The following DNMT3B variants were observed in gnomAD, a reference collection of about 807,000 sequenced individuals.
The protein encoded by DNMT3B is DNA methyltransferase 3 beta.
A neutral mutation model predicts 120.2 loss-of-function variants in DNMT3B; 37 were observed. The observed-to-expected ratio is 0.31, with a 90% CI of 0.24 to 0.40. The LOEUF is 0.40. Among genes scored for constraint, DNMT3B ranks in the 10% least tolerant of loss-of-function variants. DNMT3B has a pLI of 1.00. For synonymous variants in DNMT3B, 412 were observed against 442.8 expected (o/e 0.93, Z 0.87); for missense variants, 878 against 1,137.3 (o/e 0.77, Z 3.28).
chr20:32,806,389 G>A (rs1459055969), intron 22 of DNMT3B, 62 bp downstream of exon 22: 1 of 1,465,178 alleles, frequency 6.8e-7, no homozygotes, highest in African/African-American at 1.5e-5. Flanking sequence ...GGGCAGACAT[G>A]GGCAGGTGCT....
chr20:32,794,490 C>T (rs1980382197), intron 10 of DNMT3B, among the ~76,000 whole-genome samples: 1 of 152,000 alleles, frequency 6.6e-6, no homozygotes, highest in Admixed American at 6.6e-5. Flanking sequence ...ACCAGCCTGG[C>T]CAGCATGATG....
chr20:32,804,164 A>C (rs749469590), intron 20 of DNMT3B, among the ~76,000 whole-genome samples: 1 of 152,174 alleles, frequency 6.6e-6, no homozygotes, highest in Non-Finnish European at 1.5e-5. Flanking sequence ...TGAGGTGGAA[A>C]GAGCAGTGAG....
chr20:32,793,349 C>T (rs1345945625), intron 9 of DNMT3B, among the ~76,000 whole-genome samples, 187 bp from the exon 10 acceptor site: 1 of 152,124 alleles, frequency 6.6e-6, no homozygotes, highest in Non-Finnish European at 1.5e-5. Context: ...TGCCTGTGGT[C>T]CCAGCTACCC....
At chr20:32,795,828 C>A in intron 12 of DNMT3B, 134 bp downstream of exon 12, 1 of 1,140,424 alleles carries the variant, frequency 8.8e-7, no homozygotes, top group East Asian at 2.4e-5. Flanking sequence ...AGGCCTATTT[C>A]TGGACCCTGC....
intron 1 of DNMT3B, among the ~76,000 whole-genome samples, chr20:32,765,848 C>T (rs930496809): frequency 6.7e-6 from 1 of 148,232 alleles, no homozygotes; most frequent in Admixed American, 6.7e-5. Context: ...CTCCGCCCCT[C>T]GGGTTCATGC....
chr20:32,769,153 C>T (rs769738670), intron 1 of DNMT3B, among the ~76,000 whole-genome samples: 8 of 151,722 alleles, frequency 5.3e-5, no homozygotes, highest in Non-Finnish European at 1.0e-4. Context: ...GGCGAGATCT[C>T]GGCTCACTGC....
chr20:32,770,213 A>T (rs1987633654), intron 1 of DNMT3B, among the ~76,000 whole-genome samples: 1 of 152,100 alleles, frequency 6.6e-6, no homozygotes, highest in South Asian at 2.1e-4. Flanking sequence ...CCTGGGTTCA[A>T]ACGATTCTTC....
chr20:32,787,509 A>T (rs1257781586), intron 6 of DNMT3B, 58 bp downstream of exon 6: 1 of 1,544,522 alleles, frequency 6.5e-7, no homozygotes, highest in Non-Finnish European at 8.8e-7. Flanking sequence ...ACGGGGAAAA[A>T]CCAGTTACCT....
At chr20:32,769,281 GT>G (rs1196500678) in intron 1 of DNMT3B, among the ~76,000 whole-genome samples, 1 of 152,068 alleles carries the variant, frequency 6.6e-6, no homozygotes, top group Non-Finnish European at 1.5e-5. Flanking sequence ...TAGAGACGGG[GT>G]TTCACCATGT....
chr20:32,777,309 G>A (rs1364312130), intron 1 of DNMT3B, among the ~76,000 whole-genome samples: 2 of 152,110 alleles, frequency 1.3e-5, no homozygotes, highest in Non-Finnish European at 2.9e-5. Context: ...GTAGGCTGGT[G>A]GCCAGTTGGC....
rs1230224309 is a variant in DNMT3B at position 32,775,237 on chromosome 20, G to A, written c.-6-5081G>A. Reference sequence around the variant, plus strand: ...AAATCAATACTCTCCACTGAATGTAGGATTTTAGTTTTTAATTTTTTACTG... The same window carrying A: ...AAATCAATACTCTCCACTGAATGTAAGATTTTAGTTTTTAATTTTTTACTG... On this transcript the variant is annotated intron_variant, in intron 1 of 22. Transcript: ENST00000328111. Among the ~76,000 whole-genome samples the A allele has an allele frequency of 3.3e-5, 5 of 152,160 alleles. No individual in the cohort carries two copies. The East Asian group carries it at 9.6e-4, about 29-fold the overall frequency.
At chr20:32,806,518 T>C (rs913583905) in intron 22 of DNMT3B, among the ~76,000 whole-genome samples, 191 bp downstream of exon 22, 8 of 152,170 alleles carry the variant, frequency 5.3e-5, no homozygotes, top group African/African-American at 1.9e-4. Context: ...GTGGTGGTGG[T>C]GAGGAATCTG....
In DNMT3B at chr20:32,787,439, T is replaced by G; in HGVS notation, c.642T>G (p.Ser214Arg). The change falls in exon 6 of 23, where the codon AGT becomes AGG. Residue 214 changes from serine to arginine, a missense_variant. By Grantham distance (110) the Ser-to-Arg change is moderately radical. This residue lies in a region of DNMT3B where 287 missense variants were observed against 306.2 expected (regional missense o/e 0.94). Coordinates refer to ENST00000328111, the MANE Select transcript of DNMT3B (RefSeq NM_006892.4). ...AGGCAGACAGTGGAGATGGAGACAG[T>G]TCAGAGTATCAGGTATGGCCGAGAG... ...QVEADSGDGD[S>R]SEYQDGKEFG... 3 of 1,613,962 alleles carry G rather than the reference T, an allele frequency of 1.9e-6. No individual in the cohort carries two copies. The East Asian group carries it at 6.7e-5, about 36-fold the overall frequency.
At position 32,807,793 on chromosome 20, in the gene DNMT3B, G is replaced by T. The variant is rs121908940; in HGVS notation, c.2452G>T (p.Val818Leu). ...IFGFPVHYTD[V>L]SNMGRGARQK... Reference sequence around the variant, plus strand: ...TGGCTTTCCTGTGCACTACACAGACGTGTCCAACATGGGCCGTGGTGCCCG... The same window carrying T: ...TGGCTTTCCTGTGCACTACACAGACTTGTCCAACATGGGCCGTGGTGCCCG... The change falls in exon 23 of 23, where the codon GTG becomes TTG. Residue 818 changes from valine (V) to leucine (L), a missense_variant. By Grantham distance (32) the Val-to-Leu change is conservative. Coordinates refer to ENST00000328111, the MANE Select transcript of DNMT3B (RefSeq NM_006892.4). 2 of 1,614,042 alleles carry T rather than the reference G, an allele frequency of 1.2e-6. No individual in the cohort carries two copies. Among genetic ancestry groups the T allele is most frequent in the East Asian group, 4.5e-5 (2 of 44,882 alleles).
intron 6 of DNMT3B, among the ~76,000 whole-genome samples, chr20:32,788,262 A>G (rs1049107068): frequency 6.6e-6 from 1 of 152,164 alleles, no homozygotes; most frequent in Non-Finnish European, 1.5e-5. Context: ...TATTGTACGT[A>G]TGATACCTTT....
chr20:32,791,460 A>G (rs1278292178), intron 7 of DNMT3B, 141 bp from the exon 8 acceptor site: 6 of 791,546 alleles, frequency 7.6e-6, no homozygotes, highest in Non-Finnish European at 1.3e-5. Flanking sequence ...TTTCAAATAG[A>G]TGTCTGTGGA....
rs985224466 is a variant in DNMT3B at position 32,808,225 on chromosome 20, G to A, written c.*322G>A. On this transcript the variant is annotated 3_prime_UTR_variant, in exon 23 of 23. Transcript: ENST00000328111. ...TTTCCCTTCCTGGGTCTACCACTCAGAGAAACAATGGCTAAGATACCAAAA... is the reference window on the plus strand; with the variant it reads ...TTTCCCTTCCTGGGTCTACCACTCAAAGAAACAATGGCTAAGATACCAAAA... 4.7e-6 allele frequency: 2 copies of A among 421,800 alleles called. No homozygotes were observed. The highest frequency in any genetic ancestry group is 4.1e-5 in the East Asian group (1 of 24,308). The allele number at this position is 421,800 out of a possible 1,614,324, so 26.1% of individuals were successfully genotyped here. A position where few individuals can be genotyped will look rare whatever the true frequency, so the allele number is the denominator to read the frequency against.
intron 9 of DNMT3B, 51 bp downstream of exon 9, chr20:32,792,821 C>G: frequency 6.2e-7 from 1 of 1,612,042 alleles, no homozygotes; most frequent in Non-Finnish European, 8.5e-7. Context: ...GGTGGGACCA[C>G]TTCTTGGGAG....
chr20:32,793,720 C>T (rs2145990512), intron 10 of DNMT3B, 125 bp downstream of exon 10: 1 of 1,064,420 alleles, frequency 9.4e-7, no homozygotes. Flanking sequence ...ACTCCCTCCC[C>T]ACTCTCCCCT....
Sources: allele counts gnomAD v4.1 joint callset (sites outside exome capture counted in the v4.1 genomes callset), GRCh38; gene constraint gnomAD v4.1.1; regional missense constraint gnomAD v4.1.1; transcripts MANE v1.5; gene names NCBI Gene and HGNC (gene_info 2026-07-23, HGNC 2026-07-21).